Variants in CHP1 observed in about 807,000 individuals in gnomAD.
CHP1 encodes the protein calcineurin B homologous protein 1.
Under a neutral mutation model 27.4 loss-of-function variants are expected in CHP1, and 11 were observed. The ratio of observed to expected loss-of-function variants is 0.40; its 90% CI spans 0.25 to 0.67. CHP1 has a LOEUF of 0.67. Ranked by LOEUF, CHP1 falls within the 30% of genes least tolerant of loss-of-function variation. CHP1 has a pLI of 0.38. For missense variants in CHP1, 169 were observed against 251.3 expected, an observed-to-expected ratio of 0.67 and a Z score of 2.22; for synonymous variants, 89 against 87.4, an observed-to-expected ratio of 1.02 and a Z score of -0.10.
intron 4 of CHP1, among the ~76,000 whole-genome samples, chr15:41,263,911 C>G (rs559212602): frequency 6.6e-6 from 1 of 152,222 alleles, no homozygotes; most frequent in East Asian, 1.9e-4. Context: ...CGAAATAGCA[C>G]TAGTGGATTT....
In CHP1 at chr15:41,232,779, C is replaced by T. The variant is rs183766400; in HGVS notation, c.67+1330C>T. 2.1e-3 allele frequency among the ~76,000 whole-genome samples: 314 copies of T among 152,246 alleles called. 1 individual carries two copies. The highest frequency in any genetic ancestry group is 2.9e-3 in the Non-Finnish European group (198 of 68,014). On this transcript the variant is annotated intron_variant, in intron 1 of 6. Transcript: ENST00000334660. ...TTTGATAATGACATGACCAGTAACT[C>T]ACTCCGGCCCATATGCAGATAGTAC...
intron 3 of CHP1, among the ~76,000 whole-genome samples, chr15:41,262,257 A>C (rs929429165): frequency 6.6e-6 from 1 of 152,166 alleles, no homozygotes; most frequent in Non-Finnish European, 1.5e-5. Flanking sequence ...TAAAAATTAA[A>C]TAAACTTTAT....
intron 1 of CHP1, among the ~76,000 whole-genome samples, chr15:41,233,836 TG>T (rs1472737986): frequency 1.3e-5 from 2 of 152,166 alleles, no homozygotes; most frequent in Non-Finnish European, 2.9e-5. Flanking sequence ...TAGGGCATTT[TG>T]GGTGACTTCC....
chr15:41,240,229 A>G (rs936082847), intron 1 of CHP1, among the ~76,000 whole-genome samples: 1 of 151,870 alleles, frequency 6.6e-6, no homozygotes, highest in Non-Finnish European at 1.5e-5. Context: ...CCTGGCCTCA[A>G]ATCATTGTCC....
At chr15:41,250,958 C>T (rs1224154994) in intron 2 of CHP1, among the ~76,000 whole-genome samples, 1 of 151,960 alleles carries the variant, frequency 6.6e-6, no homozygotes, top group Non-Finnish European at 1.5e-5. Flanking sequence ...CCTCAGCCTC[C>T]AGAGTAGCTG....
rs1346240438 is a variant in CHP1, at chr15:41,236,799, C to T, written c.67+5350C>T. Among the ~76,000 whole-genome samples, 5 of 151,884 alleles carry T rather than the reference C, an allele frequency of 3.3e-5. No individual in the cohort carries two copies. The East Asian group carries it at 7.7e-4, about 24-fold the overall frequency. ...ACGTAACAACAATACTATTATCACACCTAAGAAAGTTGATAATACTTCTTA... is the reference window on the plus strand; with the variant it reads ...ACGTAACAACAATACTATTATCACATCTAAGAAAGTTGATAATACTTCTTA... On this transcript the variant is annotated intron_variant, in intron 1 of 6. Coordinates refer to ENST00000334660, the MANE Select transcript of CHP1 (RefSeq NM_007236.5).
chr15:41,234,084 G>C (rs1241193653), intron 1 of CHP1: 2 of 152,144 alleles, frequency 1.3e-5, no homozygotes, highest in Non-Finnish European at 2.9e-5. Flanking sequence ...CAAGTAGCTA[G>C]GACTACAGGC....
rs377111121 is a variant in CHP1 at position 41,265,448 on chromosome 15, G to A, written c.349+2565G>A. On this transcript the variant is annotated intron_variant, in intron 4 of 6. Transcript: ENST00000334660. ...TTACAGGCCAGGCATGATGGCTCAC[G>A]CCTGTAATCCCAGCACTTTGGGAGG... Among the ~76,000 whole-genome samples, 212 of 144,032 alleles carry A rather than the reference G, an allele frequency of 1.5e-3. 1 individual carries two copies. Among genetic ancestry groups the A allele is most frequent in the African/African-American group, 4.9e-3 (196 of 39,638 alleles). 94.5% of individuals were successfully genotyped at this position (144,032 alleles called of 152,430 possible).
intron 2 of CHP1, among the ~76,000 whole-genome samples, chr15:41,245,542 C>T (rs2047330483): frequency 6.6e-6 from 1 of 152,194 alleles, no homozygotes; most frequent in African/African-American, 2.4e-5. Flanking sequence ...CATGATGTAG[C>T]ATATACCAGT....
intron 3 of CHP1, among the ~76,000 whole-genome samples, chr15:41,258,581 T>C (rs1444153931): frequency 2.0e-5 from 3 of 152,164 alleles, no homozygotes; most frequent in Non-Finnish European, 4.4e-5. Flanking sequence ...CACATATGCT[T>C]TGTCAAGTAG....
At chr15:41,266,279 A>G (rs1231899126) in intron 4 of CHP1, among the ~76,000 whole-genome samples, 1 of 152,120 alleles carries the variant, frequency 6.6e-6, no homozygotes, top group Non-Finnish European at 1.5e-5. Flanking sequence ...GTGAAACTCC[A>G]TCTCAAAGAA....
In CHP1 at chr15:41,231,430, G is replaced by A. The variant is rs200659523; in HGVS notation, c.48G>A (p.Glu16=). 26 of 1,603,838 alleles carry A rather than the reference G, an allele frequency of 1.6e-5. No individual in the cohort carries two copies. In the East Asian group the frequency reaches 4.3e-4, roughly 26 times the overall value. Residue 16 remains glutamate (E), a synonymous_variant, in exon 1 of 7, where the codon GAG becomes GAA. Transcript: ENST00000334660. ...STLLRDEELE[E]IKKETGFSHS... Reference sequence around the variant, plus strand: ...TACTGCGGGACGAAGAGCTCGAGGAGATCAAGAAGGAGACCGGCTGTGAGT... The same window carrying A: ...TACTGCGGGACGAAGAGCTCGAGGAAATCAAGAAGGAGACCGGCTGTGAGT...
At chr15:41,236,645 G>T (rs545123579) in intron 1 of CHP1, among the ~76,000 whole-genome samples, 5 of 152,208 alleles carry the variant, frequency 3.3e-5, no homozygotes, top group Middle Eastern at 3.4e-3. Flanking sequence ...ATTGACCCCA[G>T]CAGCAGCTGC....
chr15:41,276,979 T>A (rs921954445), intron 5 of CHP1, among the ~76,000 whole-genome samples: 1 of 152,082 alleles, frequency 6.6e-6, no homozygotes, highest in Non-Finnish European at 1.5e-5. Context: ...CCAGACAGAA[T>A]GAGGTAAGAA....
At chr15:41,271,299 G>A (rs1282339603) in intron 5 of CHP1, among the ~76,000 whole-genome samples, 1 of 150,982 alleles carries the variant, frequency 6.6e-6, no homozygotes, top group Admixed American at 6.6e-5. Flanking sequence ...GTGGTGGTGG[G>A]TGCCTGTAAT....
intron 4 of CHP1, 37 bp from the exon 5 acceptor site, chr15:41,270,520 A>T (rs1247776164): frequency 6.5e-7 from 1 of 1,539,882 alleles, no homozygotes; most frequent in Admixed American, 1.7e-5. Context: ...GCAACACACT[A>T]CAGAATTTTG....
At chr15:41,246,829 T>C (rs958211366) in intron 2 of CHP1, among the ~76,000 whole-genome samples, 3 of 150,038 alleles carry the variant, frequency 2.0e-5, no homozygotes, top group Admixed American at 6.7e-5. Context: ...CACTTGAACC[T>C]GGGAGGCGAG....
rs772370811 is a variant in CHP1, at chr15:41,262,739, T to C, written c.222-17T>C. On this transcript the variant is annotated splice_polypyrimidine_tract_variant and intron_variant, in intron 3 of 6. Coordinates refer to ENST00000334660, the MANE Select transcript of CHP1 (RefSeq NM_007236.5). ...CGTGATTGACATGGTGTTGTGTTTG[T>C]TATATTTCACAATCAGAGAGGACCA... 5 of 1,611,740 alleles carry C rather than the reference T, an allele frequency of 3.1e-6. No homozygotes were observed. The highest frequency in any genetic ancestry group is 2.2e-4 in the Middle Eastern group (1 of 4,606).
At chr15:41,273,687 T>TAA (rs879274672) in intron 5 of CHP1, among the ~76,000 whole-genome samples, 2 of 141,048 alleles carry the variant, frequency 1.4e-5, no homozygotes, top group African/African-American at 5.2e-5. Context: ...ATTCATGATT[T>TAA]AAAAAAAAAA....
Sources: allele counts gnomAD v4.1 joint callset (sites outside exome capture counted in the v4.1 genomes callset), GRCh38; gene constraint gnomAD v4.1.1; transcripts MANE v1.5; gene names NCBI Gene and HGNC (gene_info 2026-07-23, HGNC 2026-07-21).